DIS3L2: variants seen among roughly 807,000 people sequenced by gnomAD.
DIS3L2 encodes DIS3 like 3'-5' exoribonuclease 2.
In DIS3L2, 34 loss-of-function variants were observed where a neutral mutation model predicts 97.5. That is an observed-to-expected ratio of 0.35 (90% CI 0.27 to 0.46). DIS3L2 has a LOEUF of 0.46. Ranked by LOEUF, DIS3L2 falls within the 20% of genes least tolerant of loss-of-function variation. The pLI, the probability that DIS3L2 is intolerant of heterozygous loss-of-function variation, is 1.00. For synonymous variants in DIS3L2, 435 were observed against 445.2 expected, an observed-to-expected ratio of 0.98 and a Z score of 0.29; for missense variants, 1,038 against 1,146.0, an observed-to-expected ratio of 0.91 and a Z score of 1.36.
intron 1 of DIS3L2, among the ~76,000 whole-genome samples, chr2:231,982,558 G>T (rs73995033): frequency 0.016 from 2,477 of 151,938 alleles, 72 homozygotes; most frequent in African/African-American, 0.057. Flanking sequence ...TCTTTTCCCT[G>T]TATAGCTCCA....
At chr2:232,060,804 A>AT (rs910577471) in intron 5 of DIS3L2, among the ~76,000 whole-genome samples, 2 of 152,080 alleles carry the variant, frequency 1.3e-5, no homozygotes, top group Admixed American at 6.5e-5. Context: ...ATATCTTTCC[A>AT]TTTTTTGTGT....
intron 9 of DIS3L2, among the ~76,000 whole-genome samples, chr2:232,172,009 A>G (rs1469641756): frequency 3.9e-5 from 6 of 152,334 alleles, no homozygotes; most frequent in African/African-American, 1.4e-4. Flanking sequence ...GATAATTTCT[A>G]CATCTTCTAA....
chr2:232,255,076 G>A (rs1693522542), intron 12 of DIS3L2, among the ~76,000 whole-genome samples: 1 of 152,222 alleles, frequency 6.6e-6, no homozygotes, highest in Non-Finnish European at 1.5e-5. Flanking sequence ...CCAAGGGATG[G>A]TCCTTCCTCA....
intron 1 of DIS3L2, among the ~76,000 whole-genome samples, chr2:232,006,322 C>G (rs1694051932): frequency 6.6e-6 from 1 of 152,196 alleles, no homozygotes; most frequent in Non-Finnish European, 1.5e-5. Flanking sequence ...ATGGTACATA[C>G]ACCGTTGTAA....
chr2:232,141,995 G>T (rs1690061353), intron 8 of DIS3L2, among the ~76,000 whole-genome samples: 1 of 152,104 alleles, frequency 6.6e-6, no homozygotes. Context: ...TGAAGCATAG[G>T]CTCCAAGATT....
In DIS3L2 at chr2:232,325,986, T is replaced by G. The variant is rs1575020360; in HGVS notation, c.1740-3827T>G. On this transcript the variant is annotated intron_variant, in intron 14 of 20. Coordinates refer to ENST00000325385, the MANE Select transcript of DIS3L2 (RefSeq NM_152383.5). This position sits in a 1 kb window ranked among gnomAD's most constrained non-coding sequence, Gnocchi z 4.6. Reference sequence around the variant, plus strand: ...CCCGTGGCCCAGAGTGTGGAGCGGCTCAACCTGACCACCCAGGATAGCTTG... The same window carrying G: ...CCCGTGGCCCAGAGTGTGGAGCGGCGCAACCTGACCACCCAGGATAGCTTG... Among the ~76,000 whole-genome samples, 1 of 151,822 alleles carries G rather than the reference T, an allele frequency of 6.6e-6. No homozygotes were observed. The highest frequency in any genetic ancestry group is 2.1e-4 in the South Asian group (1 of 4,828).
chr2:231,983,630 C>G (rs754250896), intron 1 of DIS3L2, among the ~76,000 whole-genome samples: 11 of 152,138 alleles, frequency 7.2e-5, no homozygotes, highest in Non-Finnish European at 1.3e-4. Flanking sequence ...GTGGCTCATG[C>G]CTGTAATCCC....
downstream of DIS3L2, among the ~76,000 whole-genome samples, chr2:232,338,936 CAAG>C (rs1696049396): frequency 6.6e-6 from 1 of 152,284 alleles, no homozygotes; most frequent in African/African-American, 2.4e-5. Context: ...GTCTTTTCCT[CAAG>C]GAGACACCGT....
chr2:232,294,944 C>T (rs185721390), intron 13 of DIS3L2, among the ~76,000 whole-genome samples: 1 of 152,270 alleles, frequency 6.6e-6, no homozygotes, highest in African/African-American at 2.4e-5. Context: ...TCCCATCAGC[C>T]TCTTTCCCAT....
At chr2:232,343,730 G>A (rs756058405) in exon 14 of DIS3L2, 31 of 786,784 alleles carry the variant, frequency 3.9e-5, no homozygotes, top group South Asian at 2.6e-4. Flanking sequence ...TACGGAGCTC[G>A]CCTCTGCATT....
chr2:231,981,711 T>C (rs1693269796), intron 1 of DIS3L2, among the ~76,000 whole-genome samples: 1 of 148,820 alleles, frequency 6.7e-6, no homozygotes, highest in African/African-American at 2.5e-5. Context: ...ATTAAGTGCT[T>C]ATTAAGTGTC....
At chr2:232,180,952 G>A (rs1390032352) in intron 9 of DIS3L2, among the ~76,000 whole-genome samples, 1 of 33,610 alleles carries the variant, frequency 3.0e-5, no homozygotes, top group African/African-American at 1.3e-4. Context: ...GCTGGTACCG[G>A]TTGTTCCTTT....
intron 6 of DIS3L2, among the ~76,000 whole-genome samples, chr2:232,099,589 A>G (rs1045417607): frequency 6.6e-6 from 1 of 152,222 alleles, no homozygotes; most frequent in Non-Finnish European, 1.5e-5. Context: ...AATCAAGATT[A>G]TAATAAATTA....
At position 232,269,206 on chromosome 2, in the gene DIS3L2, C is replaced by G. The variant is rs1263176001; in HGVS notation, c.1659+5766C>G. 1.3e-5 allele frequency among the ~76,000 whole-genome samples: 2 copies of G among 152,184 alleles called. No individual in the cohort carries two copies. Among genetic ancestry groups the G allele is most frequent in the Non-Finnish European group, 2.9e-5 (2 of 68,042 alleles). ...GTAGCATTTCTCCCCCACACTGCCC[C>G]CATTGCCAAATGTAGCTGTATGTTT... On this transcript the variant is annotated intron_variant, in intron 13 of 20. Coordinates refer to ENST00000325385, the MANE Select transcript of DIS3L2 (RefSeq NM_152383.5). The surrounding 1 kb of genome is among the most constrained non-coding windows in gnomAD (Gnocchi z 4.5).
At chr2:232,007,984 TTGTTATA>T (rs1694097678) in intron 1 of DIS3L2, among the ~76,000 whole-genome samples, 1 of 152,078 alleles carries the variant, frequency 6.6e-6, no homozygotes, top group Admixed American at 6.6e-5. Flanking sequence ...ATTTATTTAC[TTGTTATA>T]TGTCTATTCA....
chr2:232,015,344 A>T (rs537558469), intron 2 of DIS3L2, among the ~76,000 whole-genome samples, 170 bp from the exon 3 acceptor site: 1 of 152,270 alleles, frequency 6.6e-6, no homozygotes, highest in South Asian at 2.1e-4. Flanking sequence ...TATTTTATTC[A>T]TGTTTTCTTA....
chr2:232,272,024 C>G (rs1225488103), intron 13 of DIS3L2, among the ~76,000 whole-genome samples: 1 of 152,160 alleles, frequency 6.6e-6, no homozygotes, highest in South Asian at 2.1e-4. Context: ...GGCTTGTTCA[C>G]GAGTGCATAA....
intron 10 of DIS3L2, among the ~76,000 whole-genome samples, chr2:232,232,217 C>T (rs1692812467): frequency 6.6e-6 from 1 of 151,768 alleles, no homozygotes; most frequent in Non-Finnish European, 1.5e-5. Flanking sequence ...GTGGAAGAAA[C>T]AAGACCATGG....
chr2:232,343,099 G>A (rs756008080), intron 13 of DIS3L2: 17 of 467,594 alleles, frequency 3.6e-5, no homozygotes, highest in Middle Eastern at 6.0e-4. Flanking sequence ...CGGCACTGCC[G>A]CCTACCCTGG....
Sources: gnomAD v4.1 joint callset for allele counts (sites outside exome capture counted in the v4.1 genomes callset) on GRCh38, gnomAD v4.1.1 for gene constraint, Gnocchi (gnomAD v3.1) non-coding constraint, MANE v1.5 for transcripts, NCBI Gene and HGNC (gene_info 2026-07-23, HGNC 2026-07-21) for gene names.